GLRA2: variants seen among roughly 807,000 people sequenced by gnomAD.
GLRA2 encodes glycine receptor subunit alpha-2.
In GLRA2, 11 loss-of-function variants were observed where a neutral mutation model predicts 31.6. The ratio of observed to expected loss-of-function variants is 0.35; its 90% CI spans 0.22 to 0.58. GLRA2 has a LOEUF of 0.58. Ranked by LOEUF, GLRA2 falls within the 20% of genes least tolerant of loss-of-function variation. The probability of loss-of-function intolerance (pLI) is 0.84; values close to 1 mark genes in which losing one functional copy is unlikely to be tolerated. For synonymous variants in GLRA2, 132 were observed against 134.0 expected, an observed-to-expected ratio of 0.99 and a Z score of 0.10; for missense variants, 212 against 351.8, an observed-to-expected ratio of 0.60 and a Z score of 3.18.
chrX:14,651,864 C>T (rs1227166146), intron 7 of GLRA2, among the ~76,000 whole-genome samples: 2 of 111,577 alleles, frequency 1.8e-5, no homozygotes, highest in East Asian at 2.8e-4. Context: ...AAACCCTAAC[C>T]TCCAATGCGA....
intron 2 of GLRA2, among the ~76,000 whole-genome samples, chrX:14,549,788 A>C (rs766866478): frequency 3.6e-5 from 4 of 111,883 alleles, no homozygotes; most frequent in Non-Finnish European, 7.5e-5. Context: ...ATATAATGAC[A>C]GTATTGCTAA....
At chrX:14,672,488 C>T (rs2091103980) in intron 7 of GLRA2, among the ~76,000 whole-genome samples, 2 of 112,174 alleles carry the variant, frequency 1.8e-5, no homozygotes, top group African/African-American at 6.5e-5. Flanking sequence ...AGTAGGATTT[C>T]TTTTTAATCA....
intron 8 of GLRA2, among the ~76,000 whole-genome samples, chrX:14,702,745 T>C (rs1252371832): frequency 1.8e-5 from 2 of 111,379 alleles, no homozygotes; most frequent in Non-Finnish European, 3.8e-5. Flanking sequence ...GTTCAAGGGA[T>C]TGGGGGCCAT....
chrX:14,592,220 C>A (rs758682158), intron 4 of GLRA2, among the ~76,000 whole-genome samples: 2 of 111,740 alleles, frequency 1.8e-5, no homozygotes, highest in Non-Finnish European at 3.8e-5. Flanking sequence ...CTTGAGTCAG[C>A]AGAGGAGATT....
chrX:14,681,910 A>AAAAAAATATATATATAT (rs758563376), intron 7 of GLRA2, among the ~76,000 whole-genome samples: 6 of 41,280 alleles, frequency 1.5e-4, no homozygotes, highest in African/African-American at 4.9e-4. Context: ...AAAAAAAAAA[A>AAAAAAATATATATATAT]ATATATATAT....
intron 3 of GLRA2, among the ~76,000 whole-genome samples, chrX:14,578,692 G>A (rs1378052595): frequency 9.0e-6 from 1 of 111,693 alleles, no homozygotes; most frequent in Non-Finnish European, 1.9e-5. Context: ...ACAGGATGGG[G>A]AGTATATTTG....
At chrX:14,592,981 A>G (rs1390024842) in intron 4 of GLRA2, among the ~76,000 whole-genome samples, 1 of 111,413 alleles carries the variant, frequency 9.0e-6, no homozygotes, top group Admixed American at 9.5e-5. Flanking sequence ...GAACTTTCTC[A>G]TGGCAGAAAG....
At chrX:14,630,593 G>T (rs1208493050) in intron 7 of GLRA2, among the ~76,000 whole-genome samples, 2 of 111,115 alleles carry the variant, frequency 1.8e-5, no homozygotes, top group African/African-American at 6.5e-5. Context: ...TGTACATCAG[G>T]CTATTTGACA....
intron 4 of GLRA2, among the ~76,000 whole-genome samples, chrX:14,581,783 C>T (rs1422909892): frequency 1.9e-5 from 2 of 104,511 alleles, no homozygotes; most frequent in Admixed American, 2.0e-4. Context: ...CACACACACA[C>T]ACACACACAC....
chrX:14,607,484 A>T (rs1006736663), intron 6 of GLRA2, among the ~76,000 whole-genome samples: 4 of 111,437 alleles, frequency 3.6e-5, no homozygotes, highest in African/African-American at 1.3e-4. Context: ...TCTCCAGAAC[A>T]TAGAGAGAAG....
chrX:14,593,511 G>C (rs3027369), intron 4 of GLRA2, among the ~76,000 whole-genome samples: 23,695 of 111,656 alleles, frequency 0.21, 2,398 homozygotes, highest in Non-Finnish European at 0.32. Context: ...TGAGCAGTCA[G>C]ATGAAGGATA....
intron 7 of GLRA2, among the ~76,000 whole-genome samples, chrX:14,647,870 T>A (rs1330718102): frequency 8.9e-6 from 1 of 112,000 alleles, no homozygotes; most frequent in Non-Finnish European, 1.9e-5. Flanking sequence ...GAAAAATGAA[T>A]TGTCCACTTT....
intron 7 of GLRA2, among the ~76,000 whole-genome samples, chrX:14,629,029 G>A (rs1424415766): frequency 9.0e-6 from 1 of 111,316 alleles, no homozygotes; most frequent in African/African-American, 3.3e-5. Flanking sequence ...ATAAATGAAT[G>A]GATTCAAGAT....
Position 14,618,315 on chromosome X carries a change from C to A in GLRA2, c.930+9110C>A, listed in dbSNP as rs1392645636. Among the ~76,000 whole-genome samples the A allele has an allele frequency of 3.6e-5, 4 of 111,505 alleles. No individual in the cohort carries two copies. The East Asian group carries it at 1.1e-3, about 32-fold the overall frequency. ...ATTTGAGCACTCACTAACAATTGGG[C>A]AAGTTTCCATTTTTGTACATATCCT... On this transcript the variant is annotated intron_variant, in intron 7 of 8. Coordinates refer to ENST00000218075, the MANE Select transcript of GLRA2 (RefSeq NM_002063.4).
intron 4 of GLRA2, among the ~76,000 whole-genome samples, chrX:14,602,910 TATA>T (rs2090292008): frequency 8.9e-6 from 1 of 111,803 alleles, no homozygotes; most frequent in Admixed American, 9.5e-5. Flanking sequence ...ATCTTTTTCA[TATA>T]ATAACTTCTT....
At chrX:14,704,425 T>C (rs1453632435) in intron 8 of GLRA2, among the ~76,000 whole-genome samples, 1 of 112,464 alleles carries the variant, frequency 8.9e-6, no homozygotes, top group Non-Finnish European at 1.9e-5. Context: ...ACTTGAGCTG[T>C]AGTTATTTCA....
chrX:14,685,132 A>T (rs2091261151), intron 7 of GLRA2, among the ~76,000 whole-genome samples: 1 of 111,840 alleles, frequency 8.9e-6, no homozygotes, highest in East Asian at 2.8e-4. Flanking sequence ...TGATTTGCAT[A>T]TGTTGAACCA....
At chrX:14,706,984 T>G (rs2091632645) in intron 8 of GLRA2, among the ~76,000 whole-genome samples, 1 of 111,106 alleles carries the variant, frequency 9.0e-6, no homozygotes, top group African/African-American at 3.3e-5. Flanking sequence ...AATCATTGAA[T>G]GTTCTTTCAC....
In GLRA2 at chrX:14,561,348, T is replaced by C. The variant is rs2089731745; in HGVS notation, c.203-12985T>C. On this transcript the variant is annotated intron_variant, in intron 2 of 8. Transcript: ENST00000218075. ...CCATGGAATTTATAATAATTCCTGT[T>C]GTTCTCTAGCCTCCTAGTCTGATTA... Among the ~76,000 whole-genome samples the C allele has an allele frequency of 2.7e-5, 3 of 112,641 alleles. No homozygotes were observed. In the South Asian group the frequency reaches 1.1e-3, roughly 41 times the overall value.
Sources: gnomAD v4.1 joint callset for allele counts (sites outside exome capture counted in the v4.1 genomes callset) on GRCh38, gnomAD v4.1.1 for gene constraint, MANE v1.5 for transcripts, NCBI Gene and HGNC (gene_info 2026-07-23, HGNC 2026-07-21) for gene names.